BACH2: variants seen among roughly 807,000 people sequenced by gnomAD.
BACH2 encodes BACH transcriptional regulator 2, also known as transcription regulator protein BACH2.
Under a neutral mutation model 61.8 loss-of-function variants are expected in BACH2, and 5 were observed. The observed-to-expected ratio is 0.08, with a 90% CI of 0.04 to 0.17. The LOEUF is 0.17. BACH2 is among the 10% of genes least tolerant of loss of function. BACH2 has a pLI of 1.00. For synonymous variants in BACH2, 446 were observed against 440.1 expected, an observed-to-expected ratio of 1.01 and a Z score of -0.17; for missense variants, 824 against 1,091.1, an observed-to-expected ratio of 0.76 and a Z score of 3.45.
intron 6 of BACH2, among the ~76,000 whole-genome samples, chr6:89,973,614 T>C (rs1399050277): frequency 6.6e-6 from 1 of 152,184 alleles, no homozygotes; most frequent in African/African-American, 2.4e-5. Context: ...ACAAAGTCCC[T>C]TTTGCTATGT....
intron 6 of BACH2, among the ~76,000 whole-genome samples, chr6:89,968,447 T>C (rs936291582): frequency 4.6e-5 from 7 of 152,234 alleles, no homozygotes; most frequent in Admixed American, 2.0e-4. Flanking sequence ...GTGATGAAAG[T>C]GTATTTTTTT....
At chr6:90,295,667 G>A (rs577479422) in intron 1 of BACH2, among the ~76,000 whole-genome samples, 1 of 151,816 alleles carries the variant, frequency 6.6e-6, no homozygotes, top group Admixed American at 6.6e-5. Flanking sequence ...GTGTGTGTGT[G>A]TGTGTGTGTG....
intron 2 of BACH2, among the ~76,000 whole-genome samples, chr6:90,255,841 G>C (rs899339360): frequency 1.3e-5 from 2 of 152,190 alleles, no homozygotes; most frequent in Non-Finnish European, 1.5e-5. Context: ...GGTCCAACGT[G>C]AAGCAGGAAC....
At chr6:90,104,480 C>T (rs6454802) in intron 4 of BACH2, 45,952 of 152,164 alleles carry the variant, frequency 0.3, 7,653 homozygotes, top group Non-Finnish European at 0.38. Context: ...ATGGGAGATG[C>T]TGCAGATTTT....
intron 3 of BACH2, among the ~76,000 whole-genome samples, chr6:90,245,319 A>G (rs2127867250): frequency 6.6e-6 from 1 of 152,282 alleles, no homozygotes; most frequent in Admixed American, 6.5e-5. Flanking sequence ...AACCAGGCTC[A>G]GTGGCTCACA....
intron 7 of BACH2, among the ~76,000 whole-genome samples, chr6:89,947,857 C>T (rs1313067586): frequency 1.3e-5 from 2 of 152,116 alleles, no homozygotes; most frequent in Non-Finnish European, 2.9e-5. Context: ...AGGTGTGAGC[C>T]ACCGCGCCCA....
intron 7 of BACH2, among the ~76,000 whole-genome samples, chr6:89,938,615 G>A (rs1343060070): frequency 6.6e-6 from 1 of 152,186 alleles, no homozygotes; most frequent in Admixed American, 6.5e-5. Context: ...ATTGGAAAAT[G>A]TGTCATTTTT....
chr6:90,241,415 C>T (rs1009954882), intron 3 of BACH2, among the ~76,000 whole-genome samples: 37 of 152,264 alleles, frequency 2.4e-4, no homozygotes, highest in Admixed American at 4.6e-4. Context: ...CAGAGAGTCA[C>T]GTGTGTTCAC....
intron 4 of BACH2, among the ~76,000 whole-genome samples, chr6:90,159,327 T>A (rs1043275430): frequency 6.6e-6 from 1 of 152,222 alleles, no homozygotes; most frequent in Non-Finnish European, 1.5e-5. Flanking sequence ...CACAGCTGAT[T>A]TGATTTTAAG....
chr6:90,291,018 T>C (rs145639770), intron 1 of BACH2, among the ~76,000 whole-genome samples: 1 of 152,264 alleles, frequency 6.6e-6, no homozygotes, highest in East Asian at 1.9e-4. Context: ...GCGCCGGCTC[T>C]CATCACATCA....
intron 2 of BACH2, among the ~76,000 whole-genome samples, chr6:90,258,047 T>A (rs1326594357): frequency 1.3e-5 from 2 of 152,210 alleles, no homozygotes; most frequent in African/African-American, 4.8e-5. Flanking sequence ...AGTGCCGGGA[T>A]TACAGGCGTG....
chr6:90,059,133 T>A (rs1780540148), intron 5 of BACH2, among the ~76,000 whole-genome samples: 1 of 152,224 alleles, frequency 6.6e-6, no homozygotes, highest in African/African-American at 2.4e-5. Flanking sequence ...TGGGATCTAA[T>A]TAAACTAAAG....
chr6:90,035,794 C>G (rs1321661568), intron 5 of BACH2, among the ~76,000 whole-genome samples: 1 of 151,906 alleles, frequency 6.6e-6, no homozygotes, highest in East Asian at 1.9e-4. Context: ...AAATTATAGA[C>G]GTTTAGGCTC....
chr6:90,177,608 G>C (rs566640228), intron 4 of BACH2, among the ~76,000 whole-genome samples: 17 of 152,156 alleles, frequency 1.1e-4, no homozygotes, highest in Non-Finnish European at 1.9e-4. Flanking sequence ...ACGAAATGTG[G>C]ATCGGATCGT....
chr6:89,995,099 C>T (rs1776774601), intron 6 of BACH2, among the ~76,000 whole-genome samples: 1 of 152,200 alleles, frequency 6.6e-6, no homozygotes, highest in Non-Finnish European at 1.5e-5. Context: ...AACCAGTAAC[C>T]ACTCCAGGAC....
At chr6:89,948,113 G>T (rs769756337) in intron 7 of BACH2, among the ~76,000 whole-genome samples, 1 of 151,246 alleles carries the variant, frequency 6.6e-6, no homozygotes, top group Non-Finnish European at 1.5e-5. Flanking sequence ...CGGCGAGGGT[G>T]GGGGGACACA....
chr6:90,006,389 T>G (rs1361430491), intron 6 of BACH2, among the ~76,000 whole-genome samples: 2 of 152,208 alleles, frequency 1.3e-5, no homozygotes, highest in Non-Finnish European at 2.9e-5. Context: ...ATCCCCTGGC[T>G]ACAGTGCAGC....
intron 5 of BACH2, among the ~76,000 whole-genome samples, chr6:90,018,176 T>C (rs1778168548): frequency 6.6e-6 from 1 of 152,226 alleles, no homozygotes; most frequent in African/African-American, 2.4e-5. Flanking sequence ...TGGCTGTCTC[T>C]CCATCCTTGG....
chr6:90,216,143 C>T (rs1293955931), intron 3 of BACH2, among the ~76,000 whole-genome samples: 1 of 152,222 alleles, frequency 6.6e-6, no homozygotes, highest in Non-Finnish European at 1.5e-5. Flanking sequence ...CCACAGAAAG[C>T]AGTTCCAGCA....
Sources: gnomAD v4.1 joint callset for allele counts (sites outside exome capture counted in the v4.1 genomes callset) on GRCh38, gnomAD v4.1.1 for gene constraint, MANE v1.5 for transcripts, NCBI Gene and HGNC (gene_info 2026-07-23, HGNC 2026-07-21) for gene names.